Variants in UBE2Z observed in about 807,000 individuals in gnomAD.
UBE2Z encodes the protein ubiquitin conjugating enzyme E2 Z.
UBE2Z carries 10 observed loss-of-function variants against 32.6 expected under a neutral mutation model. The ratio of observed to expected loss-of-function variants is 0.31; its 90% CI spans 0.19 to 0.52. The LOEUF (loss-of-function observed/expected upper bound fraction) is 0.52. Ranked by LOEUF, UBE2Z falls within the 20% of genes least tolerant of loss-of-function variation. The pLI is 0.97. For synonymous variants in UBE2Z, 183 were observed against 190.8 expected, an observed-to-expected ratio of 0.96 and a Z score of 0.34; for missense variants, 343 against 480.9, an observed-to-expected ratio of 0.71 and a Z score of 2.68.
rs1005849141 is a variant in UBE2Z, at chr17:48,912,901, G to A, written c.458G>A (p.Arg153Gln). 1 of 1,613,782 alleles carries A rather than the reference G, an allele frequency of 6.2e-7. No homozygotes were observed. The highest frequency in any genetic ancestry group is 1.3e-5 in the African/African-American group (1 of 74,974). Reference sequence around the variant, plus strand: ...GGGGGTTTCTTCCTGTTCGTGTTTCGGTGTCCGCCCGACTATCCCATCCAC... The same window carrying A: ...GGGGGTTTCTTCCTGTTCGTGTTTCAGTGTCCGCCCGACTATCCCATCCAC... Reference protein sequence around the residue: ...YEGGFFLFVFRCPPDYPIHPP... With the variant: ...YEGGFFLFVFQCPPDYPIHPP... Residue 153 changes from arginine (R) to glutamine (Q), a missense_variant, in exon 3 of 7, where the codon CGG becomes CAG. By Grantham distance (43) the Arg-to-Gln change is conservative. Transcript: ENST00000360943.
chr17:48,921,352 G>A lies in UBE2Z; in HGVS notation c.803+80G>A, dbSNP rs1028737872. ...ATCTTTGGGGCAGAGTACAGTGTTG[G>A]GTACCAGAGGGAGATAGAGAAGAAG... On this transcript the variant is annotated intron_variant, in intron 5 of 6. Coordinates refer to ENST00000360943, the MANE Select transcript of UBE2Z (RefSeq NM_023079.5). The A allele has an allele frequency of 4.0e-5, 42 of 1,040,576 alleles. No homozygotes were observed. The African/African-American group carries it at 6.7e-4, about 17-fold the overall frequency. The allele number at this position is 1,040,576 out of a possible 1,614,324, so 64.5% of individuals were successfully genotyped here. A position where few individuals can be genotyped will look rare whatever the true frequency, so the allele number is the denominator to read the frequency against.
chr17:48,918,935 T>C (rs1241031882), intron 4 of UBE2Z, among the ~76,000 whole-genome samples: 3 of 151,910 alleles, frequency 2.0e-5, no homozygotes, highest in Non-Finnish European at 4.4e-5. Context: ...GTAGTAGAGA[T>C]GGGGTTTCGC....
intron 1 of UBE2Z, 61 bp from the exon 2 acceptor site, chr17:48,910,747 G>A (rs2040670937): frequency 7.6e-7 from 1 of 1,308,760 alleles, no homozygotes; most frequent in South Asian, 1.2e-5. Context: ...TCCTGCTCAA[G>A]GGATTCCCCC....
rs1419636069 is a variant in UBE2Z, at chr17:48,928,313, CA to C, written c.*1180del. 6 of 152,302 alleles carry C rather than the reference CA, an allele frequency of 3.9e-5. No individual in the cohort carries two copies. The highest frequency in any genetic ancestry group is 1.5e-4 in the African/African-American group (6 of 41,368). 9.4% of individuals were successfully genotyped at this position (152,302 alleles called of 1,614,324 possible). A position where few individuals can be genotyped will look rare whatever the true frequency, so the allele number is the denominator to read the frequency against. On this transcript the variant is annotated 3_prime_UTR_variant, in exon 7 of 7. Transcript: ENST00000360943. ...TTGCTTCTCTATCTGTATTTAGCTG[CA>C]GTGATCCTTTAGCTGGTTGGCTCAG...
intron 6 of UBE2Z, 105 bp downstream of exon 6, chr17:48,923,042 C>G: frequency 9.1e-7 from 1 of 1,094,760 alleles, no homozygotes; most frequent in Non-Finnish European, 1.3e-6. Flanking sequence ...ACAGCTAAGC[C>G]TGGGTTCAGT....
intron 1 of UBE2Z, among the ~76,000 whole-genome samples, chr17:48,909,476 C>G (rs778328900): frequency 2.0e-4 from 31 of 151,974 alleles, no homozygotes; most frequent in South Asian, 2.1e-4. Context: ...CTACCTCCCC[C>G]CAATTCCCCA....
In UBE2Z at chr17:48,908,440, GC is replaced by G; in HGVS notation, c.-63del. On this transcript the variant is annotated 5_prime_UTR_variant, in exon 1 of 7. Coordinates refer to ENST00000360943, the MANE Select transcript of UBE2Z (RefSeq NM_023079.5). ...CCGGTTCTCGGTGGTGCGGGAGCGG[GC>G]GGGAGCAGCGGCCGCTCTGGTCGGC... is the stretch of plus-strand genomic sequence containing the variant. 8.3e-7 allele frequency: 1 copy of G among 1,202,202 alleles called. No individual in the cohort carries two copies. The highest frequency in any genetic ancestry group is 1.0e-6 in the Non-Finnish European group (1 of 964,340). 74.5% of individuals were successfully genotyped at this position (1,202,202 alleles called of 1,614,324 possible). A position where few individuals can be genotyped will look rare whatever the true frequency, so the allele number is the denominator to read the frequency against.
At position 48,911,137 on chromosome 17, in the gene UBE2Z, T is replaced by A. The variant is rs2040673948; in HGVS notation, c.390+257T>A. On this transcript the variant is annotated intron_variant, in intron 2 of 6. Coordinates refer to ENST00000360943, the MANE Select transcript of UBE2Z (RefSeq NM_023079.5). ...TTCATGTCTGTTGTCGCAGCTTGAC[T>A]ATTTATAGGGCATTCTTTCACTCTC... 3 of 480,270 alleles carry A rather than the reference T, an allele frequency of 6.2e-6. No individual in the cohort carries two copies. In the South Asian group the frequency reaches 8.2e-5, roughly 13 times the overall value. The allele number at this position is 480,270 out of a possible 1,614,324, so 29.8% of individuals were successfully genotyped here. A position where few individuals can be genotyped will look rare whatever the true frequency, so the allele number is the denominator to read the frequency against.
At chr17:48,917,070 G>A (rs1022325474) in intron 4 of UBE2Z, among the ~76,000 whole-genome samples, 7 of 152,012 alleles carry the variant, frequency 4.6e-5, no homozygotes, top group African/African-American at 1.7e-4. Flanking sequence ...ACTTTGGGAG[G>A]CCGAGGCGGG....
At chr17:48,918,613 G>A (rs948990410) in intron 4 of UBE2Z, among the ~76,000 whole-genome samples, 1 of 152,136 alleles carries the variant, frequency 6.6e-6, no homozygotes, top group African/African-American at 2.4e-5. Flanking sequence ...GATCACAGGT[G>A]TGAGCCACAG....
chr17:48,909,119 G>A (rs1320978850), intron 1 of UBE2Z: 1 of 115,850 alleles, frequency 8.6e-6, no homozygotes. Context: ...TCCCACCTCC[G>A]GGTGGAAACC....
At chr17:48,910,756 C>A in intron 1 of UBE2Z, 52 bp from the exon 2 acceptor site, 1 of 1,404,450 alleles carries the variant, frequency 7.1e-7, no homozygotes, top group Non-Finnish European at 1.0e-6. Context: ...AGGGATTCCC[C>A]CTTTCCCCCT....
Position 48,916,178 on chromosome 17 carries a change from C to G in UBE2Z, c.681C>G (p.Gly227=), listed in dbSNP as rs149295614. The change falls in exon 4 of 7, where the codon GGC becomes GGG. Residue 227 remains glycine (G), a synonymous_variant. Transcript: ENST00000360943. ...AGAACCCCTATCACAATGAGCCCGG[C>G]TTTGAACAGGTAAGGCCAGATGGGC... ...MTENPYHNEP[G]FEQERHPGDS... 32 of 1,568,272 alleles carry G rather than the reference C, an allele frequency of 2.0e-5. No homozygotes were observed. The Middle Eastern group carries it at 1.0e-3, about 49-fold the overall frequency.
At chr17:48,924,845 C>CAAAAAAAAAAAAAAA (rs5820735) in intron 6 of UBE2Z, among the ~76,000 whole-genome samples, 1 of 85,752 alleles carries the variant, frequency 1.2e-5, no homozygotes, top group Non-Finnish European at 2.1e-5. Flanking sequence ...GATTCTGTCT[C>CAAAAAAAAAAAAAAA]AAAAAAAAAA....
In UBE2Z at chr17:48,911,572, A is replaced by G. The variant is rs1189030399; in HGVS notation, c.390+692A>G. The stretch of plus-strand genomic sequence containing the variant: ...ACCTAATGCTGTTTAAGTGAAACAC[A>G]TAGTTTTCTTACAGTAAATTTCTTA... On this transcript the variant is annotated intron_variant, in intron 2 of 6. Transcript: ENST00000360943. 4.6e-5 allele frequency: 7 copies of G among 152,382 alleles called. No individual in the cohort carries two copies. The East Asian group carries it at 1.2e-3, about 25-fold the overall frequency. 9.4% of individuals were successfully genotyped at this position (152,382 alleles called of 1,614,324 possible).
chr17:48,924,918 G>GAA (rs1284749061), intron 6 of UBE2Z, among the ~76,000 whole-genome samples: 1 of 150,740 alleles, frequency 6.6e-6, no homozygotes, highest in Admixed American at 6.6e-5. Context: ...AAGAGAATGA[G>GAA]AATTCTCCTG....
intron 4 of UBE2Z, 27 bp from the exon 5 acceptor site, chr17:48,921,133 A>G (rs2143771641): frequency 4.4e-6 from 7 of 1,579,462 alleles, no homozygotes; most frequent in Non-Finnish European, 6.0e-6. Context: ...TAATTTTTGG[A>G]ATACTCTGGC....
At chr17:48,919,941 TTCTG>T (rs904716669) in intron 4 of UBE2Z, among the ~76,000 whole-genome samples, 3 of 152,124 alleles carry the variant, frequency 2.0e-5, no homozygotes, top group Non-Finnish European at 4.4e-5. Flanking sequence ...CCATCATTCT[TTCTG>T]TCTTTTTTTT....
Position 48,908,476 on chromosome 17 carries a change from G to A in UBE2Z, c.-28G>A, listed in dbSNP as rs1411428285. ...GGCCGCTCTGGTCGGCGGACGTGCT[G>A]CCGAGTAGTCCCGGAAGCGAAGCAG... On this transcript the variant is annotated 5_prime_UTR_variant, in exon 1 of 7. Transcript: ENST00000360943. 3.3e-6 allele frequency: 4 copies of A among 1,230,366 alleles called. No homozygotes were observed. The highest frequency in any genetic ancestry group is 4.1e-6 in the Non-Finnish European group (4 of 986,622). The allele number at this position is 1,230,366 out of a possible 1,614,324, so 76.2% of individuals were successfully genotyped here. A position where few individuals can be genotyped will look rare whatever the true frequency, so the allele number is the denominator to read the frequency against.
Sources: allele counts gnomAD v4.1 joint callset (sites outside exome capture counted in the v4.1 genomes callset), GRCh38; gene constraint gnomAD v4.1.1; transcripts MANE v1.5; gene names NCBI Gene and HGNC (gene_info 2026-07-23, HGNC 2026-07-21).